LIPT2: variants seen among roughly 807,000 people sequenced by gnomAD.
The protein encoded by LIPT2 is octanoyl-[acyl-carrier-protein]:protein N-octanoyltransferase LIPT2, mitochondrial.
A neutral mutation model predicts 16.2 loss-of-function variants in LIPT2; 16 were observed. That is an observed-to-expected ratio of 0.99 (90% CI 0.67 to 1.50). LIPT2 has a LOEUF of 1.50. LIPT2 is among the 40% of genes most tolerant of loss of function. The pLI, the probability that LIPT2 is intolerant of heterozygous loss-of-function variation, is 0.00. For synonymous variants in LIPT2, 199 were observed against 169.3 expected, an observed-to-expected ratio of 1.18 and a Z score of -1.36; for missense variants, 424 against 347.7, an observed-to-expected ratio of 1.22 and a Z score of -1.75.
chr11:74,492,638 G>T (rs373627166), intron 1 of LIPT2, among the ~76,000 whole-genome samples: 53 of 152,096 alleles, frequency 3.5e-4, no homozygotes, highest in Non-Finnish European at 5.7e-4. Context: ...AGGCGCAGTG[G>T]CTCACGCCTG....
At position 74,491,931 on chromosome 11, in the gene LIPT2, C is replaced by T; in HGVS notation, c.*204G>A. ...CATGTGTTGCTTTTCACAGTATTGTCACATCTAGTATCTCTGAGGTAGGTG... is the reference window on the plus strand; with the variant it reads ...CATGTGTTGCTTTTCACAGTATTGTTACATCTAGTATCTCTGAGGTAGGTG... On this transcript the variant is annotated 3_prime_UTR_variant, in exon 2 of 2. Transcript: ENST00000310109. The T allele has an allele frequency of 1.7e-6, 1 of 573,378 alleles. No individual in the cohort carries two copies. The highest frequency in any genetic ancestry group is 3.1e-6 in the Non-Finnish European group (1 of 319,340). The allele number at this position is 573,378 out of a possible 1,614,324, so 35.5% of individuals were successfully genotyped here.
In LIPT2 at chr11:74,493,474, C is replaced by G. The variant is rs1864401153; in HGVS notation, c.230G>C (p.Gly77Ala). The G allele has an allele frequency of 6.8e-7, 1 of 1,477,214 alleles. No individual in the cohort carries two copies. Among genetic ancestry groups the G allele is most frequent in the Admixed American group, 2.3e-5 (1 of 42,620 alleles). The allele number at this position is 1,477,214 out of a possible 1,614,324, so 91.5% of individuals were successfully genotyped here. The change falls in exon 1 of 2, where the codon GGC (glycine) becomes GCC (alanine). Residue 77 changes from glycine (G) to alanine (A), a missense_variant. By Grantham distance (60) the Gly-to-Ala change is moderately conservative. Transcript: ENST00000310109. The part of the protein sequence containing the change: ...PEETARLRAL[G>A]AEVRVTGRGG... ...GCGGCCTGTGACGCGCACCTCGGCG[C>G]CCAAGGCCCGTAGCCGCGCAGTTTC...
Position 74,493,682 on chromosome 11 carries a change from A to AACCAG in LIPT2, c.21_22insCTGGT (p.Arg10TrpfsTer58), listed in dbSNP as rs1565470783. 19 of 1,398,316 alleles carry AACCAG rather than the reference A, an allele frequency of 1.4e-5. No individual in the cohort carries two copies. The African/African-American group carries it at 2.1e-4, about 16-fold the overall frequency. The allele number at this position is 1,398,316 out of a possible 1,614,324, so 86.6% of individuals were successfully genotyped here. A position where few individuals can be genotyped will look rare whatever the true frequency, so the allele number is the denominator to read the frequency against. Reference sequence around the variant, plus strand: ...TACGGCACCCGACCCAGGCGCACCAACCGAACGGCGGGTTGCCGCATCGTG... The same window carrying AACCAG: ...TACGGCACCCGACCCAGGCGCACCAAACCAGCCGAACGGCGGGTTGCCGCATCGTG... On this transcript the variant is annotated frameshift_variant, in exon 1 of 2. Transcript: ENST00000310109. LOFTEE classifies it high-confidence loss of function.
Position 74,493,389 on chromosome 11 carries a change from C to G in LIPT2, c.315G>C (p.Leu105=), listed in dbSNP as rs1864395979. The change falls in exon 1 of 2, where the codon CTG becomes CTC. Residue 105 remains leucine (L), a synonymous_variant. Coordinates refer to ENST00000310109, the MANE Select transcript of LIPT2 (RefSeq NM_001144869.3). ...TGCGCAAGCGCAGGCCGAGACGCCG[C>G]AGGTCGAGTACCGGGTGGCAAAGCA... ...GQLLCHPVLD[L]RRLGLRLRMH... is the part of the protein sequence containing the mutation. 6.6e-7 allele frequency: 1 copy of G among 1,515,120 alleles called. No homozygotes were observed. Among genetic ancestry groups the G allele is most frequent in the Non-Finnish European group, 8.8e-7 (1 of 1,138,772 alleles). 93.9% of individuals were successfully genotyped at this position (1,515,120 alleles called of 1,614,324 possible).
In LIPT2 at chr11:74,493,330, C is replaced by A. The variant is rs560300961; in HGVS notation, c.374G>T (p.Arg125Leu). 7.4e-5 allele frequency: 110 copies of A among 1,481,208 alleles called. No individual in the cohort carries two copies. The African/African-American group carries it at 1.4e-3, about 19-fold the overall frequency. The allele number at this position is 1,481,208 out of a possible 1,614,324, so 91.8% of individuals were successfully genotyped here. The change falls in exon 1 of 2, where the codon CGC (arginine) becomes CTC (leucine). Residue 125 changes from arginine to leucine, a missense_variant. Coordinates refer to ENST00000310109, the MANE Select transcript of LIPT2 (RefSeq NM_001144869.3). Reference protein sequence around the residue: ...HVASLEACAVRLCELQGLQDA... With the variant: ...HVASLEACAVLLCELQGLQDA... ...CTGCAGGCCCTGGAGCTCGCACAGG[C>A]GCACGGCGCACGCCTCCAGCGACGC...
Position 74,493,699 on chromosome 11 carries a change from C to T in LIPT2, c.5G>A (p.Arg2Gln), listed in dbSNP as rs376856991. 21 of 1,377,418 alleles carry T rather than the reference C, an allele frequency of 1.5e-5. No homozygotes were observed. In the South Asian group the frequency reaches 2.0e-4, roughly 13 times the overall value. 85.3% of individuals were successfully genotyped at this position (1,377,418 alleles called of 1,614,324 possible). The stretch of plus-strand genomic sequence containing the variant: ...GCGCACCAACCGAACGGCGGGTTGC[C>T]GCATCGTGCCCACCGTTGCGTCCGC... Reference protein sequence around the residue: MRQPAVRLVRLG... With the variant: MQQPAVRLVRLG... The change falls in exon 1 of 2, where the codon CGG (arginine) becomes CAG (glutamine). Residue 2 changes from arginine to glutamine, a missense_variant. Transcript: ENST00000310109.
rs998310692 is a variant in LIPT2 at position 74,493,480 on chromosome 11, G to T, written c.224C>A (p.Ala75Asp). The change falls in exon 1 of 2, where the codon GCC becomes GAC. Residue 75 changes from alanine to aspartate, a missense_variant. Transcript: ENST00000310109. Reference sequence around the variant, plus strand: ...TGTGACGCGCACCTCGGCGCCCAAGGCCCGTAGCCGCGCAGTTTCCTCGGG... The same window carrying T: ...TGTGACGCGCACCTCGGCGCCCAAGTCCCGTAGCCGCGCAGTTTCCTCGGG... ...LTPEETARLR[A>D]LGAEVRVTGR... 1 of 1,460,872 alleles carries T rather than the reference G, an allele frequency of 6.8e-7. No individual in the cohort carries two copies. Among genetic ancestry groups the T allele is most frequent in the Non-Finnish European group, 9.0e-7 (1 of 1,112,746 alleles). The allele number at this position is 1,460,872 out of a possible 1,614,324, so 90.5% of individuals were successfully genotyped here.
At position 74,492,029 on chromosome 11, in the gene LIPT2, G is replaced by T. The variant is rs1864346605; in HGVS notation, c.*106C>A. ...GCTCATGGTATGTCCTTAGTTTCAT[G>T]ATCAGTGAATGACAGGCCAGGTCTA... is the stretch of plus-strand genomic sequence containing the variant. On this transcript the variant is annotated 3_prime_UTR_variant, in exon 2 of 2. Transcript: ENST00000310109. The T allele has an allele frequency of 5.3e-6, 4 of 752,546 alleles. No homozygotes were observed. The South Asian group carries it at 6.7e-5, about 13-fold the overall frequency. The allele number at this position is 752,546 out of a possible 1,614,324, so 46.6% of individuals were successfully genotyped here.
chr11:74,492,475 G>C (rs1171295817), intron 1 of LIPT2, 111 bp from the exon 2 acceptor site: 3 of 707,162 alleles, frequency 4.2e-6, no homozygotes, highest in African/African-American at 3.6e-5. Flanking sequence ...TTCAAATTTT[G>C]TTTCTGGAGA....
At chr11:74,493,138 C>T in intron 1 of LIPT2, 100 bp downstream of exon 1, 1 of 870,360 alleles carries the variant, frequency 1.1e-6, no homozygotes, top group East Asian at 3.3e-5. Context: ...ACGCCTCCTC[C>T]CGGCCCTCAC....
rs1864343455 is a variant in LIPT2 at position 74,491,883 on chromosome 11, A to T, written c.*252T>A. On this transcript the variant is annotated 3_prime_UTR_variant, in exon 2 of 2. Coordinates refer to ENST00000310109, the MANE Select transcript of LIPT2 (RefSeq NM_001144869.3). ...ATTTCTCTGAGACACTGCTGTCAAT[A>T]GCAGTGCTAATGTTTTATATAGCAT... The T allele has an allele frequency of 2.1e-6, 1 of 477,850 alleles. No homozygotes were observed. The highest frequency in any genetic ancestry group is 3.4e-5 in the Admixed American group (1 of 29,354). 29.6% of individuals were successfully genotyped at this position (477,850 alleles called of 1,614,324 possible).
At chr11:74,492,435 C>A (rs1368556848) in intron 1 of LIPT2, 71 bp from the exon 2 acceptor site, 3 of 1,018,520 alleles carry the variant, frequency 2.9e-6, no homozygotes, top group African/African-American at 3.2e-5. Context: ...CCTCTCAGGG[C>A]GATGAGAAAA....
At chr11:74,492,415 C>T in intron 1 of LIPT2, 51 bp from the exon 2 acceptor site, 2 of 1,225,484 alleles carry the variant, frequency 1.6e-6, no homozygotes, top group South Asian at 1.3e-5. Context: ...ACTCTCCGGG[C>T]TTTGGTGTCC....
At chr11:74,493,129 C>A in intron 1 of LIPT2, 109 bp downstream of exon 1, 1 of 742,194 alleles carries the variant, frequency 1.3e-6, no homozygotes, top group Non-Finnish European at 1.9e-6. Context: ...GCGCTAGATA[C>A]GCCTCCTCCC....
chr11:74,493,263 T>C lies in LIPT2; in HGVS notation c.441A>G (p.Leu147=). 1.5e-6 allele frequency: 2 copies of C among 1,368,596 alleles called. No homozygotes were observed. The highest frequency in any genetic ancestry group is 1.7e-5 in the South Asian group (1 of 60,468). The allele number at this position is 1,368,596 out of a possible 1,614,324, so 84.8% of individuals were successfully genotyped here. A position where few individuals can be genotyped will look rare whatever the true frequency, so the allele number is the denominator to read the frequency against. Residue 147 remains leucine, a synonymous_variant, in exon 1 of 2, where the codon CTA becomes CTG. Coordinates refer to ENST00000310109, the MANE Select transcript of LIPT2 (RefSeq NM_001144869.3). ...ARPPPYTGVW[L]DDRKICAIGV... is the part of the protein sequence containing the mutation. ...CGATCGCGCAGATCTTGCGATCGTC[T>C]AGCCAGACGCCAGTGTAGGGCGGGG...
At position 74,491,217 on chromosome 11, in the gene LIPT2, C is replaced by T. The variant is rs560425025; in HGVS notation, c.*918G>A. 2.0e-5 allele frequency among the ~76,000 whole-genome samples: 3 copies of T among 152,324 alleles called. No homozygotes were observed. Among genetic ancestry groups the T allele is most frequent in the South Asian group, 2.1e-4 (1 of 4,818 alleles). On this transcript the variant is annotated 3_prime_UTR_variant, in exon 2 of 2. Transcript: ENST00000310109. The stretch of plus-strand genomic sequence containing the variant: ...TCTTGTCAGCAACCATAACCAACCA[C>T]GCAAGTGAATGCACCATATGGAGCG...
chr11:74,493,141 G>T, intron 1 of LIPT2, 97 bp downstream of exon 1: 1 of 884,928 alleles, frequency 1.1e-6, no homozygotes, highest in Non-Finnish European at 1.5e-6. Context: ...CCTCCTCCCG[G>T]CCCTCACCTC....
rs1467204887 is a variant in LIPT2 at position 74,492,042 on chromosome 11, C to T, written c.*93G>A. The T allele has an allele frequency of 5.8e-6, 5 of 857,716 alleles. No homozygotes were observed. The highest frequency in any genetic ancestry group is 9.5e-6 in the Non-Finnish European group (5 of 528,214). 53.1% of individuals were successfully genotyped at this position (857,716 alleles called of 1,614,324 possible). On this transcript the variant is annotated 3_prime_UTR_variant, in exon 2 of 2. Coordinates refer to ENST00000310109, the MANE Select transcript of LIPT2 (RefSeq NM_001144869.3). ...CCTTAGTTTCATGATCAGTGAATGA[C>T]AGGCCAGGTCTAAAATCTGGGTTTC...
In LIPT2 at chr11:74,493,661, G is replaced by T; in HGVS notation, c.43C>A (p.Pro15Thr). 1 of 1,434,634 alleles carries T rather than the reference G, an allele frequency of 7.0e-7. No individual in the cohort carries two copies. Among genetic ancestry groups the T allele is most frequent in the East Asian group, 3.0e-5 (1 of 33,098 alleles). The allele number at this position is 1,434,634 out of a possible 1,614,324, so 88.9% of individuals were successfully genotyped here. A position where few individuals can be genotyped will look rare whatever the true frequency, so the allele number is the denominator to read the frequency against. Residue 15 changes from proline (P) to threonine (T), a missense_variant, in exon 1 of 2, where the codon CCG (proline) becomes ACG (threonine). Coordinates refer to ENST00000310109, the MANE Select transcript of LIPT2 (RefSeq NM_001144869.3). ...TGCAGCCCCAGTAGCTCGGCGTACGGCACCCGACCCAGGCGCACCAACCGA... is the reference window on the plus strand; with the variant it reads ...TGCAGCCCCAGTAGCTCGGCGTACGTCACCCGACCCAGGCGCACCAACCGA... Reference protein sequence around the residue: ...AVRLVRLGRVPYAELLGLQDR... With the variant: ...AVRLVRLGRVTYAELLGLQDR...
Sources: gnomAD v4.1 joint callset for allele counts (sites outside exome capture counted in the v4.1 genomes callset) on GRCh38, gnomAD v4.1.1 for gene constraint, MANE v1.5 for transcripts, NCBI Gene and HGNC (gene_info 2026-07-23, HGNC 2026-07-21) for gene names.